SLC39A10: variants seen among roughly 807,000 people sequenced by gnomAD.
SLC39A10 encodes zinc transporter ZIP10.
A neutral mutation model predicts 65.1 loss-of-function variants in SLC39A10; 13 were observed. That is an observed-to-expected ratio of 0.20 (90% CI 0.13 to 0.32). SLC39A10 has a LOEUF of 0.32. SLC39A10 is among the 10% of genes least tolerant of loss of function. The pLI is 1.00. For missense variants in SLC39A10, 831 were observed against 1,018.4 expected, an observed-to-expected ratio of 0.82 and a Z score of 2.50; for synonymous variants, 321 against 342.2, an observed-to-expected ratio of 0.94 and a Z score of 0.68.
intron 1 of SLC39A10, among the ~76,000 whole-genome samples, chr2:195,662,264 G>A (rs1689435357): frequency 6.7e-6 from 1 of 150,280 alleles, no homozygotes; most frequent in Non-Finnish European, 1.5e-5. Context: ...GTATCCTACT[G>A]TGGTGTTCCC....
At chr2:195,670,083 C>T (rs1026135127) in intron 1 of SLC39A10, among the ~76,000 whole-genome samples, 3 of 152,086 alleles carry the variant, frequency 2.0e-5, no homozygotes, top group Non-Finnish European at 4.4e-5. Context: ...CGCTTGAACC[C>T]TGGAGCTGGA....
Position 195,678,912 on chromosome 2 carries a change from A to G in SLC39A10, c.-11-1120A>G, listed in dbSNP as rs1019473634. Among the ~76,000 whole-genome samples, 57 of 152,206 alleles carry G rather than the reference A, an allele frequency of 3.7e-4. 1 individual carries two copies. Among genetic ancestry groups the G allele is most frequent in the Admixed American group, 5.9e-4 (9 of 15,278 alleles). On this transcript the variant is annotated intron_variant, in intron 1 of 9. Coordinates refer to ENST00000359634, the MANE Select transcript of SLC39A10 (RefSeq NM_020342.3). Reference sequence around the variant, plus strand: ...GAATAGTATGAAATTAGTTTCATCTATTCTGGAAAACTTCAGAATTACATA... The same window carrying G: ...GAATAGTATGAAATTAGTTTCATCTGTTCTGGAAAACTTCAGAATTACATA...
At chr2:195,702,879 A>G (rs1328089824) in intron 3 of SLC39A10, among the ~76,000 whole-genome samples, 4 of 152,170 alleles carry the variant, frequency 2.6e-5, no homozygotes, top group Non-Finnish European at 4.4e-5. Flanking sequence ...TTGTGCTGTT[A>G]ATTGTTGGTC....
chr2:195,667,888 A>G (rs1373018215), intron 1 of SLC39A10, among the ~76,000 whole-genome samples: 2 of 152,242 alleles, frequency 1.3e-5, no homozygotes, highest in Admixed American at 6.5e-5. Context: ...AAATATTGCA[A>G]ATAATGTAGG....
intron 3 of SLC39A10, among the ~76,000 whole-genome samples, chr2:195,703,430 T>G (rs937438722): frequency 1.4e-4 from 21 of 152,186 alleles, no homozygotes; most frequent in African/African-American, 5.1e-4. Context: ...AAAACAAAGT[T>G]ATCAAAAGAT....
At chr2:195,623,703 G>A (rs567843984) in intron 2 of SLC39A10, among the ~76,000 whole-genome samples, 1 of 152,052 alleles carries the variant, frequency 6.6e-6, no homozygotes, top group African/African-American at 2.4e-5. Flanking sequence ...TTTAAATAGG[G>A]CAAAATGAAT....
At chr2:195,661,155 A>G (rs1021610964) in intron 1 of SLC39A10, among the ~76,000 whole-genome samples, 5 of 152,204 alleles carry the variant, frequency 3.3e-5, no homozygotes, top group African/African-American at 7.2e-5. Flanking sequence ...TCTACTTTAC[A>G]GAAAGGATTT....
rs571521189 is a variant in SLC39A10, at chr2:195,711,486, T to G, written c.1576-1947T>G. ...CTAAATATTAAATAGTAAGGAATTC[T>G]CAACTATATCAGAGAAGGGAATCTG... On this transcript the variant is annotated intron_variant, in intron 5 of 9. Coordinates refer to ENST00000359634, the MANE Select transcript of SLC39A10 (RefSeq NM_020342.3). 1.1e-3 allele frequency among the ~76,000 whole-genome samples: 165 copies of G among 152,288 alleles called. 2 individuals are homozygous for G. The highest frequency in any genetic ancestry group is 3.8e-3 in the African/African-American group (157 of 41,558).
At chr2:195,730,163 CT>C (rs1692389384) in intron 9 of SLC39A10, among the ~76,000 whole-genome samples, 1 of 150,544 alleles carries the variant, frequency 6.6e-6, no homozygotes, top group South Asian at 2.1e-4. Context: ...GGTTTTCCCC[CT>C]GACTTTTCTG....
chr2:195,639,820 C>G (rs1688769016), intron 2 of SLC39A10, among the ~76,000 whole-genome samples: 1 of 152,192 alleles, frequency 6.6e-6, no homozygotes, highest in Non-Finnish European at 1.5e-5. Flanking sequence ...CTGGCTCAGC[C>G]TCCCAAAGCA....
intron 3 of SLC39A10, among the ~76,000 whole-genome samples, chr2:195,705,621 C>A (rs756939389): frequency 6.6e-6 from 1 of 152,044 alleles, no homozygotes; most frequent in Non-Finnish European, 1.5e-5. Flanking sequence ...TAAAGTCTTT[C>A]AGCAGATTTA....
At chr2:195,614,865 G>A (rs1333511473) in intron 2 of SLC39A10, among the ~76,000 whole-genome samples, 1 of 152,040 alleles carries the variant, frequency 6.6e-6, no homozygotes, top group Non-Finnish European at 1.5e-5. Context: ...ACCAACCTAG[G>A]CAACATAGCA....
intron 3 of SLC39A10, among the ~76,000 whole-genome samples, chr2:195,692,975 C>G (rs1690801765): frequency 6.6e-6 from 1 of 152,072 alleles, no homozygotes. Context: ...TCATAGATGG[C>G]TTTTATTACC....
chr2:195,663,144 T>C (rs1574237416), intron 1 of SLC39A10, among the ~76,000 whole-genome samples: 1 of 152,196 alleles, frequency 6.6e-6, no homozygotes, highest in African/African-American at 2.4e-5. Context: ...GTCTTCCTTG[T>C]AACTCTCTCA....
chr2:195,726,039 A>G (rs1329145652), intron 8 of SLC39A10, among the ~76,000 whole-genome samples: 1 of 152,226 alleles, frequency 6.6e-6, no homozygotes, highest in African/African-American at 2.4e-5. Flanking sequence ...CCAAATTCAT[A>G]GAAGTCTACA....
At chr2:195,637,825 G>A (rs371096696) in intron 2 of SLC39A10, among the ~76,000 whole-genome samples, 4 of 152,254 alleles carry the variant, frequency 2.6e-5, no homozygotes, top group South Asian at 4.1e-4. Flanking sequence ...TTAGAGTCTC[G>A]GAAAGTGCAA....
intron 1 of SLC39A10, among the ~76,000 whole-genome samples, chr2:195,663,013 CGGAAAA>C (rs896610579): frequency 6.6e-5 from 10 of 152,120 alleles, no homozygotes; most frequent in African/African-American, 2.4e-4. Flanking sequence ...TGCTTGGAGT[CGGAAAA>C]GGAATGTGAA....
At chr2:195,615,414 C>T (rs1688184436) in intron 2 of SLC39A10, among the ~76,000 whole-genome samples, 2 of 152,206 alleles carry the variant, frequency 1.3e-5, no homozygotes, top group African/African-American at 2.4e-5. Flanking sequence ...CCTCCCACCT[C>T]AACCTCCCAA....
chr2:195,737,224 A>AATC lies in SLC39A10; in HGVS notation c.*2184_*2186dup, dbSNP rs145407519. The AATC allele has an allele frequency of 9.6e-4, 147 of 152,772 alleles. No individual in the cohort carries two copies. The highest frequency in any genetic ancestry group is 3.1e-3 in the African/African-American group (130 of 41,564). The allele number at this position is 152,772 out of a possible 1,614,324, so 9.5% of individuals were successfully genotyped here. A position where few individuals can be genotyped will look rare whatever the true frequency, so the allele number is the denominator to read the frequency against. Reference sequence around the variant, plus strand: ...TGTATAGTTTCAAGTCTTAATAGACAATCTGAATTCCACTACATTTCTTTT... The same window carrying AATC: ...TGTATAGTTTCAAGTCTTAATAGACAATCATCTGAATTCCACTACATTTCTTTT... On this transcript the variant is annotated 3_prime_UTR_variant, in exon 10 of 10. Coordinates refer to ENST00000359634, the MANE Select transcript of SLC39A10 (RefSeq NM_020342.3).
Sources: gnomAD v4.1 joint callset for allele counts (sites outside exome capture counted in the v4.1 genomes callset) on GRCh38, gnomAD v4.1.1 for gene constraint, MANE v1.5 for transcripts, NCBI Gene and HGNC (gene_info 2026-07-23, HGNC 2026-07-21) for gene names.